SAG: variants seen among roughly 807,000 people sequenced by gnomAD.
SAG encodes S-arrestin.
Under a neutral mutation model 55.0 loss-of-function variants are expected in SAG, and 45 were observed. The observed-to-expected ratio is 0.82, with a 90% CI of 0.64 to 1.05. The LOEUF (loss-of-function observed/expected upper bound fraction) is 1.05, where lower values mean the gene tolerates loss of function less well. Among genes scored for constraint, SAG ranks in the 50% least tolerant of loss-of-function variants. The pLI is 0.00. For synonymous variants in SAG, 189 were observed against 197.4 expected (o/e 0.96, Z 0.36); for missense variants, 455 against 512.1 (o/e 0.89, Z 1.08).
Position 233,320,771 on chromosome 2 carries a change from A to G in SAG, c.323A>G (p.Gln108Arg), listed in dbSNP as rs1408519416. Residue 108 changes from glutamine (Q) to arginine (R), a missense_variant, in exon 5 of 16, where the codon CAA becomes CGA. Coordinates refer to ENST00000409110, the MANE Select transcript of SAG (RefSeq NM_000541.5). Reference sequence around the variant, plus strand: ...GCCGCGAGCACCCCCACAAAACTGCAAGAGAGCCTGCTTAAAAAGCTGGGG... The same window carrying G: ...GCCGCGAGCACCCCCACAAAACTGCGAGAGAGCCTGCTTAAAAAGCTGGGG... Reference protein sequence around the residue: ...VGAASTPTKLQESLLKKLGSN... With the variant: ...VGAASTPTKLRESLLKKLGSN... The G allele has an allele frequency of 3.7e-6, 6 of 1,606,588 alleles. No individual in the cohort carries two copies. Among genetic ancestry groups the G allele is most frequent in the Non-Finnish European group, 5.1e-6 (6 of 1,176,708 alleles).
intron 9 of SAG, among the ~76,000 whole-genome samples, chr2:233,330,177 T>C (rs1445044425): frequency 1.3e-5 from 2 of 152,194 alleles, no homozygotes; most frequent in Non-Finnish European, 2.9e-5. Flanking sequence ...TGGTCTTATT[T>C]GGCTCTTTCA....
intron 13 of SAG, among the ~76,000 whole-genome samples, chr2:233,341,237 T>C (rs984419416): frequency 2.0e-5 from 3 of 152,070 alleles, no homozygotes; most frequent in Non-Finnish European, 4.4e-5. Context: ...TCTGCCTCCT[T>C]GGTTCAAGCA....
At chr2:233,344,714 C>G (rs1701201811) in intron 14 of SAG, 1 of 152,140 alleles carries the variant, frequency 6.6e-6, no homozygotes, top group South Asian at 2.1e-4. Flanking sequence ...TCTTCTCTGC[C>G]TAGTTCTCGG....
chr2:233,335,908 A>ATCTACC (rs1212284455), intron 11 of SAG, among the ~76,000 whole-genome samples: 2 of 152,192 alleles, frequency 1.3e-5, no homozygotes, highest in African/African-American at 4.8e-5. Flanking sequence ...CTCCGAGGTG[A>ATCTACC]TGCCAATGGC....
chr2:233,328,675 C>T (rs1359068231), intron 8 of SAG, 62 bp downstream of exon 8: 3 of 1,516,572 alleles, frequency 2.0e-6, no homozygotes, highest in Non-Finnish European at 2.7e-6. Context: ...CCCCACACCC[C>T]TCTCTTCACC....
intron 5 of SAG, among the ~76,000 whole-genome samples, chr2:233,321,036 A>T (rs1700365699): frequency 6.6e-6 from 1 of 152,042 alleles, no homozygotes; most frequent in African/African-American, 2.4e-5. Flanking sequence ...CTTTCAACCT[A>T]CCGTTTACAT....
intron 3 of SAG, among the ~76,000 whole-genome samples, chr2:233,317,985 G>A (rs1417645312): frequency 1.3e-5 from 2 of 151,864 alleles, no homozygotes; most frequent in African/African-American, 4.8e-5. Flanking sequence ...AATTTTTTTT[G>A]TCGGGGGTGT....
At chr2:233,335,153 C>G in intron 11 of SAG, 54 bp downstream of exon 11, 1 of 1,574,368 alleles carries the variant, frequency 6.4e-7, no homozygotes, top group Non-Finnish European at 8.6e-7. Flanking sequence ...TGGTGCTGGT[C>G]TGCTTCCCTT....
rs760501119 is a variant in SAG, at chr2:233,346,876, G to C, written c.1182G>C (p.Glu394Asp). The part of the protein sequence containing the change: ...RHNLKDAGEA[E>D]EGKRDKNDVD... The stretch of plus-strand genomic sequence containing the variant: ...ATCTGAAAGATGCAGGAGAAGCTGA[G>C]GAGGGGAAGAGAGACAAGAATGACG... The change falls in exon 16 of 16, where the codon GAG becomes GAC. Residue 394 changes from glutamate (E) to aspartate (D), a missense_variant. Transcript: ENST00000409110. 6.2e-7 allele frequency: 1 copy of C among 1,612,564 alleles called. No individual in the cohort carries two copies. Among genetic ancestry groups the C allele is most frequent in the Non-Finnish European group, 8.5e-7 (1 of 1,178,984 alleles).
chr2:233,327,257 ACCT>A lies in SAG; in HGVS notation c.512+63_512+65del, dbSNP rs1198937873. The A allele has an allele frequency of 2.2e-6, 3 of 1,366,928 alleles. No individual in the cohort carries two copies. The African/African-American group carries it at 4.3e-5, about 20-fold the overall frequency. 84.7% of individuals were successfully genotyped at this position (1,366,928 alleles called of 1,614,324 possible). On this transcript the variant is annotated intron_variant, in intron 7 of 15. Transcript: ENST00000409110. ...GCGGTGGGGGTGGAGAGAAGAGACG[ACCT>A]CCACCTTGTCTCTGTGGGACAGACC...
chr2:233,326,129 G>T (rs1384608023), intron 6 of SAG, among the ~76,000 whole-genome samples: 2 of 152,120 alleles, frequency 1.3e-5, no homozygotes, highest in African/African-American at 4.8e-5. Context: ...GATGAGGGAG[G>T]TTACAAAGGG....
chr2:233,325,585 AG>A (rs1280483884), intron 6 of SAG, among the ~76,000 whole-genome samples: 1 of 152,090 alleles, frequency 6.6e-6, no homozygotes, highest in Non-Finnish European at 1.5e-5. Flanking sequence ...TTACAGAAGA[AG>A]GGGGCACAGA....
chr2:233,326,008 G>A (rs1700542691), intron 6 of SAG, among the ~76,000 whole-genome samples: 1 of 150,796 alleles, frequency 6.6e-6, no homozygotes, highest in Non-Finnish European at 1.5e-5. Flanking sequence ...ATGTCACCAT[G>A]GACAGAGCTG....
intron 10 of SAG, chr2:233,334,493 T>TG (rs1387702868): frequency 2.6e-5 from 4 of 154,434 alleles, no homozygotes; most frequent in African/African-American, 9.6e-5. Context: ...CCACAAATTG[T>TG]GGGTCCCTGC....
At chr2:233,323,087 T>A in intron 6 of SAG, 82 bp downstream of exon 6, 3 of 899,916 alleles carry the variant, frequency 3.3e-6, no homozygotes, top group Non-Finnish European at 5.3e-6. Context: ...GAAACAGGGT[T>A]TTACTCTGTC....
rs1380104230 is a variant in SAG at position 233,324,279 on chromosome 2, C to A, written c.435+1274C>A. ...TGGTGGCACATGCCTGTAGTACCAG[C>A]TACTTGGGAGGCTGAGGTAGGAGGA... On this transcript the variant is annotated intron_variant, in intron 6 of 15. Transcript: ENST00000409110. Among the ~76,000 whole-genome samples, 4 of 152,194 alleles carry A rather than the reference C, an allele frequency of 2.6e-5. No homozygotes were observed. In the East Asian group the frequency reaches 7.7e-4, roughly 29 times the overall value.
chr2:233,346,659 C>T (rs569187391), intron 15 of SAG, 148 bp from the exon 16 acceptor site: 37 of 745,434 alleles, frequency 5.0e-5, no homozygotes, highest in South Asian at 6.2e-5. Context: ...GAATTTTAAA[C>T]GAAGCCTTGA....
chr2:233,325,652 C>T (rs1378269368), intron 6 of SAG, among the ~76,000 whole-genome samples: 1 of 152,008 alleles, frequency 6.6e-6, no homozygotes, highest in Admixed American at 6.6e-5. Flanking sequence ...TAAGAGAGAC[C>T]CCAAATTCAG....
intron 11 of SAG, 149 bp downstream of exon 11, chr2:233,335,248 A>T (rs1484845743): frequency 1.8e-6 from 2 of 1,084,642 alleles, no homozygotes; most frequent in African/African-American, 3.2e-5. Flanking sequence ...CTACGGGCCC[A>T]CACAAGGATC....
Sources: allele counts gnomAD v4.1 joint callset (sites outside exome capture counted in the v4.1 genomes callset), GRCh38; gene constraint gnomAD v4.1.1; transcripts MANE v1.5; gene names NCBI Gene and HGNC (gene_info 2026-07-23, HGNC 2026-07-21).